Variants in NUFIP2 observed in about 807,000 individuals in gnomAD.
NUFIP2 encodes nuclear FMR1 interacting protein 2.
NUFIP2 carries 6 observed loss-of-function variants against 56.9 expected under a neutral mutation model. The ratio of observed to expected loss-of-function variants is 0.11; its 90% CI spans 0.06 to 0.21. The LOEUF (loss-of-function observed/expected upper bound fraction) is 0.21, where lower values mean the gene tolerates loss of function less well. Among genes scored for constraint, NUFIP2 ranks in the 10% least tolerant of loss-of-function variants. The pLI is 1.00. For missense variants in NUFIP2, 828 were observed against 826.8 expected, an observed-to-expected ratio of 1.00 and a Z score of -0.02; for synonymous variants, 321 against 298.2, an observed-to-expected ratio of 1.08 and a Z score of -0.79.
At position 29,294,140 on chromosome 17, in the gene NUFIP2, A is replaced by T. The variant is rs2069238461; in HGVS notation, c.-81T>A. 1 of 1,486,524 alleles carries T rather than the reference A, an allele frequency of 6.7e-7. No individual in the cohort carries two copies. The highest frequency in any genetic ancestry group is 1.4e-5 in the African/African-American group (1 of 71,624). 92.1% of individuals were successfully genotyped at this position (1,486,524 alleles called of 1,614,324 possible). ...TGAGACTGCTTCTCAGGGCTCACTC[A>T]GTATATCTGAGCGCGTCTCGCCAGC... On this transcript the variant is annotated 5_prime_UTR_variant, in exon 1 of 4. Coordinates refer to ENST00000225388, the MANE Select transcript of NUFIP2 (RefSeq NM_020772.3).
intron 1 of NUFIP2, among the ~76,000 whole-genome samples, chr17:29,291,092 A>G (rs1423371810): frequency 2.6e-5 from 4 of 151,846 alleles, no homozygotes; most frequent in Non-Finnish European, 5.9e-5. Context: ...AGTTTTTCTC[A>G]TGACAACCTT....
chr17:29,272,386 G>T (rs762689811), intron 2 of NUFIP2, among the ~76,000 whole-genome samples: 4 of 151,700 alleles, frequency 2.6e-5, no homozygotes, highest in African/African-American at 9.7e-5. Context: ...GACTACAGGC[G>T]CATGCCACCA....
rs528420902 is a variant in NUFIP2, at chr17:29,262,370, CTTTTT to C, written c.*2164_*2168del. The C allele has an allele frequency of 7.3e-5, 11 of 150,926 alleles. No individual in the cohort carries two copies. Among genetic ancestry groups the C allele is most frequent in the Admixed American group, 6.6e-4 (10 of 15,070 alleles). 9.3% of individuals were successfully genotyped at this position (150,926 alleles called of 1,614,324 possible). On this transcript the variant is annotated 3_prime_UTR_variant, in exon 4 of 4. Coordinates refer to ENST00000225388, the MANE Select transcript of NUFIP2 (RefSeq NM_020772.3). ...TTTCCCTTTAATCAACCTTATATGT[CTTTTT>C]TTTTAACTTTTTGAAAATTTTTATT...
In NUFIP2 at chr17:29,263,651, A is replaced by G. The variant is rs2153010543; in HGVS notation, c.*888T>C. 6.5e-6 allele frequency: 1 copy of G among 152,714 alleles called. No individual in the cohort carries two copies. The highest frequency in any genetic ancestry group is 2.1e-4 in the South Asian group (1 of 4,822). 9.5% of individuals were successfully genotyped at this position (152,714 alleles called of 1,614,324 possible). A position where few individuals can be genotyped will look rare whatever the true frequency, so the allele number is the denominator to read the frequency against. ...AGCACCTACAGTTGAAAAGCAGAAT[A>G]TATTTTTGCTCCCAGTTATACAATT... is the stretch of plus-strand genomic sequence containing the variant. On this transcript the variant is annotated 3_prime_UTR_variant, in exon 4 of 4. Transcript: ENST00000225388.
intron 2 of NUFIP2, among the ~76,000 whole-genome samples, chr17:29,277,064 G>A (rs1250866770): frequency 1.3e-5 from 2 of 152,022 alleles, no homozygotes; most frequent in African/African-American, 2.4e-5. Context: ...TCGCTCTGTC[G>A]CCCAGACTAG....
At chr17:29,292,586 C>A (rs2069222109) in intron 1 of NUFIP2, among the ~76,000 whole-genome samples, 1 of 151,210 alleles carries the variant, frequency 6.6e-6, no homozygotes, top group South Asian at 2.1e-4. Flanking sequence ...CCGCCTCTAC[C>A]CGAAATGAAT....
Position 29,286,321 on chromosome 17 carries a change from T to C in NUFIP2, c.1673A>G (p.His558Arg). ...CTCGTAAGCCTTGGGAAACACAGGA[T>C]GCTCAGTTCCTGAGGGAATTATTTC... ...GAEIIPSGTEHPVFPKAYELE... is the reference protein window; with the variant it reads ...GAEIIPSGTERPVFPKAYELE... Residue 558 changes from histidine to arginine, a missense_variant, in exon 2 of 4, where the codon CAT (histidine) becomes CGT (arginine). By Grantham distance (29) the His-to-Arg change is conservative. This residue lies in a region of NUFIP2 where 404 missense variants were observed against 380.3 expected (regional missense o/e 1.06). Coordinates refer to ENST00000225388, the MANE Select transcript of NUFIP2 (RefSeq NM_020772.3). 6.2e-7 allele frequency: 1 copy of C among 1,614,160 alleles called. No homozygotes were observed. Among genetic ancestry groups the C allele is most frequent in the Non-Finnish European group, 8.5e-7 (1 of 1,179,998 alleles).
intron 2 of NUFIP2, among the ~76,000 whole-genome samples, chr17:29,278,066 T>C (rs984981064): frequency 6.6e-6 from 1 of 152,086 alleles, no homozygotes; most frequent in Non-Finnish European, 1.5e-5. Flanking sequence ...CAAGTAATTC[T>C]GAATTAAGGT....
intron 2 of NUFIP2, among the ~76,000 whole-genome samples, chr17:29,279,571 T>C (rs1185030452): frequency 1.3e-5 from 2 of 152,194 alleles, no homozygotes; most frequent in African/African-American, 2.4e-5. Flanking sequence ...TCTCACTCTG[T>C]TGCACAACCT....
At chr17:29,276,029 A>AT in intron 2 of NUFIP2, among the ~76,000 whole-genome samples, 1 of 138,214 alleles carries the variant, frequency 7.2e-6, no homozygotes, top group African/African-American at 2.8e-5. Context: ...CTCCGTCTCA[A>AT]ATATATATAT....
At chr17:29,292,557 C>T (rs2069221795) in intron 1 of NUFIP2, among the ~76,000 whole-genome samples, 1 of 151,534 alleles carries the variant, frequency 6.6e-6, no homozygotes, top group Non-Finnish European at 1.5e-5. Context: ...CCGCTGGGTA[C>T]CCCACCCGGC....
At position 29,286,290 on chromosome 17, in the gene NUFIP2, C is replaced by T. The variant is rs199711233; in HGVS notation, c.1704G>A (p.Glu568=). Residue 568 remains glutamate (E), a synonymous_variant, in exon 2 of 4, where the codon GAG becomes GAA. Coordinates refer to ENST00000225388, the MANE Select transcript of NUFIP2 (RefSeq NM_020772.3). ...HPVFPKAYEL[E]KRTSPQVLGS... The stretch of plus-strand genomic sequence containing the variant: ...CCAGAACTTGAGGACTAGTCCGTTT[C>T]TCCAGCTCGTAAGCCTTGGGAAACA... The T allele has an allele frequency of 1.9e-5, 31 of 1,614,220 alleles. No homozygotes were observed. In the Admixed American group the frequency reaches 4.5e-4, roughly 23 times the overall value.
Position 29,294,096 on chromosome 17 carries a change from C to G in NUFIP2, c.-37G>C, listed in dbSNP as rs377729563. On this transcript the variant is annotated 5_prime_UTR_variant, in exon 1 of 4. Transcript: ENST00000225388. ...GGGACTCCCTGGCTGAGGCTGCGGGCTGCTGCACCGTCAGGATCTGAGACT... is the reference window on the plus strand; with the variant it reads ...GGGACTCCCTGGCTGAGGCTGCGGGGTGCTGCACCGTCAGGATCTGAGACT... The G allele has an allele frequency of 1.0e-5, 16 of 1,562,562 alleles. No individual in the cohort carries two copies. Among genetic ancestry groups the G allele is most frequent in the Non-Finnish European group, 1.2e-5 (14 of 1,153,272 alleles).
intron 2 of NUFIP2, among the ~76,000 whole-genome samples, chr17:29,279,917 C>A (rs922266967): frequency 1.3e-4 from 20 of 152,144 alleles, no homozygotes; most frequent in African/African-American, 4.8e-4. Flanking sequence ...CTCCCAGATT[C>A]AAGCGATTCT....
chr17:29,258,497 A>C lies in NUFIP2; in HGVS notation c.*6042T>G. The C allele has an allele frequency of 6.6e-6, 1 of 152,238 alleles. No individual in the cohort carries two copies. Among genetic ancestry groups the C allele is most frequent in the Non-Finnish European group, 1.5e-5 (1 of 68,056 alleles). 9.4% of individuals were successfully genotyped at this position (152,238 alleles called of 1,614,324 possible). On this transcript the variant is annotated 3_prime_UTR_variant, in exon 4 of 4. Coordinates refer to ENST00000225388, the MANE Select transcript of NUFIP2 (RefSeq NM_020772.3). Reference sequence around the variant, plus strand: ...AAATGTTTTCTAAAAGATCAGCAACAAATCAATGACACCACGTCCTTTAAG... The same window carrying C: ...AAATGTTTTCTAAAAGATCAGCAACCAATCAATGACACCACGTCCTTTAAG...
At chr17:29,280,922 T>C (rs1216186071) in intron 2 of NUFIP2, among the ~76,000 whole-genome samples, 1 of 142,554 alleles carries the variant, frequency 7.0e-6, no homozygotes, top group African/African-American at 2.6e-5. Context: ...GAGGCAGAGG[T>C]TGCAGCGAGC....
At position 29,263,701 on chromosome 17, in the gene NUFIP2, AT is replaced by A. The variant is rs938552963; in HGVS notation, c.*837del. Reference sequence around the variant, plus strand: ...TACATTAAAATATGGGCACAGGAATATTTTTCCAGATTGTATATCTAAGCCA... The same window carrying A: ...TACATTAAAATATGGGCACAGGAATATTTTCCAGATTGTATATCTAAGCCA... On this transcript the variant is annotated 3_prime_UTR_variant, in exon 4 of 4. Transcript: ENST00000225388. 1 of 152,586 alleles carries A rather than the reference AT, an allele frequency of 6.6e-6. No homozygotes were observed. Among genetic ancestry groups the A allele is most frequent in the Non-Finnish European group, 1.5e-5 (1 of 68,030 alleles). 9.5% of individuals were successfully genotyped at this position (152,586 alleles called of 1,614,324 possible).
Position 29,287,444 on chromosome 17 carries a change from T to A in NUFIP2, c.550A>T (p.Ile184Leu). The A allele has an allele frequency of 6.2e-7, 1 of 1,614,146 alleles. No homozygotes were observed. Among genetic ancestry groups the A allele is most frequent in the Non-Finnish European group, 8.5e-7 (1 of 1,179,968 alleles). ...GTTACCACACCATTTGGAATTGGTA[T>A]AGTATCAGACTTATCTACAGACTGA... ...ENQSVDKSDTIPIPNGVVTNN... is the reference protein window; with the variant it reads ...ENQSVDKSDTLPIPNGVVTNN... Residue 184 changes from isoleucine to leucine, a missense_variant, in exon 2 of 4, where the codon ATA (isoleucine) becomes TTA (leucine). Ile to Leu is a conservative substitution (Grantham distance 5). Around this residue, in one of 3 missense-constraint regions of NUFIP2, gnomAD observed 415 missense variants for 408.7 expected, o/e 1.02. Coordinates refer to ENST00000225388, the MANE Select transcript of NUFIP2 (RefSeq NM_020772.3).
chr17:29,281,581 A>G (rs1298909059), intron 2 of NUFIP2, among the ~76,000 whole-genome samples: 1 of 151,560 alleles, frequency 6.6e-6, no homozygotes, highest in African/African-American at 2.4e-5. Context: ...AGTACTAGCT[A>G]CTCAGGAGGC....
Sources: allele counts gnomAD v4.1 joint callset (sites outside exome capture counted in the v4.1 genomes callset), GRCh38; gene constraint gnomAD v4.1.1; regional missense constraint gnomAD v4.1.1; transcripts MANE v1.5; gene names NCBI Gene and HGNC (gene_info 2026-07-23, HGNC 2026-07-21).